Variants in FCAR observed in about 807,000 individuals in gnomAD.
The protein encoded by FCAR is Fc alpha receptor, also known as immunoglobulin alpha Fc receptor.
Under a neutral mutation model 27.1 loss-of-function variants are expected in FCAR, and 21 were observed. That is an observed-to-expected ratio of 0.77 (90% confidence interval 0.55 to 1.11). The LOEUF (loss-of-function observed/expected upper bound fraction) is 1.11. Ranked by LOEUF, FCAR falls within the 50% of genes most tolerant of loss-of-function variation. The pLI, the probability that FCAR is intolerant of heterozygous loss-of-function variation, is 0.00. For synonymous variants in FCAR, 134 were observed against 135.8 expected (o/e 0.99, Z 0.09); for missense variants, 404 against 358.4 (o/e 1.13, Z -1.03).
chr19:54,889,517 A>C (rs1010953571), intron 4 of FCAR, 132 bp from the exon 5 acceptor site: 2 of 725,554 alleles, frequency 2.8e-6, no homozygotes, highest in Non-Finnish European at 2.5e-6. Context: ...GCATGAGCTC[A>C]TTGAGGGGAT....
chr19:54,888,627 A>C, intron 4 of FCAR: 2 of 716,044 alleles, frequency 2.8e-6, no homozygotes, highest in Non-Finnish European at 3.6e-6. Context: ...GACTCACTGC[A>C]ACCTTCGCCT....
At chr19:54,875,667 T>A (rs905977323) in intron 2 of FCAR, among the ~76,000 whole-genome samples, 3 of 152,186 alleles carry the variant, frequency 2.0e-5, no homozygotes, top group Non-Finnish European at 4.4e-5. Flanking sequence ...CTGCCCAATA[T>A]CCTTCCTTAT....
intron 1 of FCAR, 83 bp downstream of exon 1, chr19:54,874,406 G>A (rs1486006988): frequency 2.9e-6 from 4 of 1,361,618 alleles, no homozygotes; most frequent in Non-Finnish European, 4.2e-6. Flanking sequence ...AGTGTGACTA[G>A]GAGATTTTAG....
At position 54,886,900 on chromosome 19, in the gene FCAR, C is replaced by T. The variant is rs149766356; in HGVS notation, c.362-1107C>T. Among the ~76,000 whole-genome samples the T allele has an allele frequency of 6.0e-3, 913 of 152,326 alleles. 9 individuals are homozygous for T. The highest frequency in any genetic ancestry group is 0.011 in the Non-Finnish European group (753 of 68,034). ...ACAGAAGCAAAGTGCCATTTCATCT[C>T]CTCATAGCAAAGGTTTAAACTGTCC... On this transcript the variant is annotated intron_variant, in intron 3 of 4. Transcript: ENST00000355524.
intron 4 of FCAR, 47 bp downstream of exon 4, chr19:54,888,341 G>T: frequency 6.2e-7 from 1 of 1,603,122 alleles, no homozygotes; most frequent in African/African-American, 1.3e-5. Context: ...GCTGTCCAGG[G>T]CCTTGCCACC....
chr19:54,883,897 C>T (rs1429129446), intron 2 of FCAR, among the ~76,000 whole-genome samples: 1 of 152,066 alleles, frequency 6.6e-6, no homozygotes, highest in Non-Finnish European at 1.5e-5. Flanking sequence ...GCGGAGCTTG[C>T]AGTGAGCCAA....
intron 2 of FCAR, among the ~76,000 whole-genome samples, chr19:54,882,038 T>C (rs1442661016): frequency 1.3e-5 from 2 of 152,190 alleles, no homozygotes; most frequent in African/African-American, 4.8e-5. Context: ...CAGTTGCCTC[T>C]GGGAGCCACT....
chr19:54,884,981 T>C (rs587692661), intron 2 of FCAR, among the ~76,000 whole-genome samples: 3 of 152,150 alleles, frequency 2.0e-5, no homozygotes, highest in African/African-American at 7.2e-5. Context: ...TAATTTTTTG[T>C]ATTTTCAGTA....
At chr19:54,885,626 G>A in intron 3 of FCAR, 101 bp downstream of exon 3, 3 of 880,862 alleles carry the variant, frequency 3.4e-6, no homozygotes, top group Non-Finnish European at 5.1e-6. Context: ...AAAAAAAATT[G>A]ATGATTGCTT....
At chr19:54,888,881 AC>A in intron 4 of FCAR, 1 of 985,658 alleles carries the variant, frequency 1.0e-6, no homozygotes. Flanking sequence ...TAGTGAATTC[AC>A]CAAGTGAGGA....
rs587708608 is a variant in FCAR, at chr19:54,888,757, C to T, written c.649+463C>T. 5.7e-4 allele frequency: 522 copies of T among 915,080 alleles called. 2 individuals carry two copies. In the African/African-American group the frequency reaches 8.6e-3, roughly 15 times the overall value. 56.7% of individuals were successfully genotyped at this position (915,080 alleles called of 1,614,324 possible). On this transcript the variant is annotated intron_variant, in intron 4 of 4. Transcript: ENST00000355524. Reference sequence around the variant, plus strand: ...CCGACCTCAGGTGATCCACCTGCCTCGGCCTCCCAAAGTGCTGGGATTACA... The same window carrying T: ...CCGACCTCAGGTGATCCACCTGCCTTGGCCTCCCAAAGTGCTGGGATTACA...
At chr19:54,875,465 T>A in intron 2 of FCAR, 100 bp downstream of exon 2, 1 of 953,798 alleles carries the variant, frequency 1.0e-6, no homozygotes. Context: ...CTTATTTTAA[T>A]CCCCATTCTA....
chr19:54,880,861 G>C (rs1392106809), intron 2 of FCAR: 1 of 152,176 alleles, frequency 6.6e-6, no homozygotes, highest in African/African-American at 2.4e-5. Flanking sequence ...AGCATTTTTG[G>C]TGTTGAAGTT....
At chr19:54,879,568 GC>G (rs2066292539) in intron 2 of FCAR, among the ~76,000 whole-genome samples, 2 of 152,100 alleles carry the variant, frequency 1.3e-5, no homozygotes, top group Admixed American at 1.3e-4. Context: ...TTAAATATAG[GC>G]CCCCAATCTC....
In FCAR at chr19:54,876,476, A is replaced by C. The variant is rs587598600; in HGVS notation, c.70+1111A>C. On this transcript the variant is annotated intron_variant, in intron 2 of 4. Coordinates refer to ENST00000355524, the MANE Select transcript of FCAR (RefSeq NM_002000.4). ...GTTGACTGTGAGTTTGTCATACATC[A>C]TTCTTATTATTTTGAAATATGTTTC... is the stretch of plus-strand genomic sequence containing the variant. 2.0e-5 allele frequency among the ~76,000 whole-genome samples: 3 copies of C among 152,308 alleles called. No homozygotes were observed. In the South Asian group the frequency reaches 6.2e-4, roughly 32 times the overall value.
At chr19:54,881,331 C>A (rs2066397506) in intron 2 of FCAR, among the ~76,000 whole-genome samples, 1 of 152,160 alleles carries the variant, frequency 6.6e-6, no homozygotes, top group African/African-American at 2.4e-5. Flanking sequence ...AGAGTCTTTG[C>A]TCCTTCCCCA....
chr19:54,875,785 G>C (rs956262825), intron 2 of FCAR, among the ~76,000 whole-genome samples: 36 of 152,176 alleles, frequency 2.4e-4, no homozygotes, highest in Non-Finnish European at 2.9e-4. Context: ...TAGTACTACT[G>C]CAGTACTAAG....
At chr19:54,886,472 T>C (rs1024268492) in intron 3 of FCAR, among the ~76,000 whole-genome samples, 3 of 151,578 alleles carry the variant, frequency 2.0e-5, no homozygotes, top group Admixed American at 1.3e-4. Context: ...CACGCCTGGC[T>C]AATTTTTTGT....
At chr19:54,874,444 T>G in intron 1 of FCAR, 121 bp downstream of exon 1, 1 of 951,426 alleles carries the variant, frequency 1.1e-6, no homozygotes, top group South Asian at 1.4e-5. Context: ...CTGATCTCCT[T>G]AGTGGAAAGG....
Sources: allele counts gnomAD v4.1 joint callset (sites outside exome capture counted in the v4.1 genomes callset), GRCh38; gene constraint gnomAD v4.1.1; transcripts MANE v1.5; gene names NCBI Gene and HGNC (gene_info 2026-07-23, HGNC 2026-07-21).